The following SSU72 variants were observed in gnomAD, a reference collection of about 807,000 sequenced individuals.
The protein encoded by SSU72 is RNA polymerase II subunit A C-terminal domain phosphatase SSU72.
A neutral mutation model predicts 22.7 loss-of-function variants in SSU72; 12 were observed. The ratio of observed to expected loss-of-function variants is 0.53; its 90% CI spans 0.34 to 0.86. The LOEUF (loss-of-function observed/expected upper bound fraction) is 0.86, where lower values mean the gene tolerates loss of function less well. Ranked by LOEUF, SSU72 falls within the 40% of genes least tolerant of loss-of-function variation. The pLI is 0.02. For synonymous variants in SSU72, 116 were observed against 98.3 expected (o/e 1.18, Z -1.06); for missense variants, 151 against 249.8 (o/e 0.60, Z 2.67).
At chr1:1,566,989 A>T (rs1433966254) in intron 1 of SSU72, among the ~76,000 whole-genome samples, 2 of 152,204 alleles carry the variant, frequency 1.3e-5, no homozygotes, top group African/African-American at 4.8e-5. Flanking sequence ...AGTGAAAACT[A>T]CCTGTGCCTT....
Position 1,558,204 on chromosome 1 carries a change from TA to T in SSU72, c.224+6568del, listed in dbSNP as rs3073299. ...CAACAGAGTGAGACTCTGTCTCAAT[TA>T]AAAAAAAAAAAAAAAGCTGGGCATG... On this transcript the variant is annotated intron_variant, in intron 2 of 4. Coordinates refer to ENST00000291386, the MANE Select transcript of SSU72 (RefSeq NM_014188.3). 5.8e-3 allele frequency among the ~76,000 whole-genome samples: 737 copies of T among 126,142 alleles called. 3 individuals carry two copies. Among genetic ancestry groups the T allele is most frequent in the African/African-American group, 9.9e-3 (310 of 31,156 alleles). The allele number at this position is 126,142 out of a possible 152,430, so 82.8% of individuals were successfully genotyped here. A position where few individuals can be genotyped will look rare whatever the true frequency, so the allele number is the denominator to read the frequency against.
intron 1 of SSU72, among the ~76,000 whole-genome samples, chr1:1,567,719 A>T (rs7364711): frequency 6.6e-6 from 1 of 151,334 alleles, no homozygotes; most frequent in African/African-American, 2.4e-5. Flanking sequence ...GAGTTCGACA[A>T]CAGCCTGGCC....
At chr1:1,557,230 T>C (rs2100713538) in intron 2 of SSU72, among the ~76,000 whole-genome samples, 1 of 151,748 alleles carries the variant, frequency 6.6e-6, no homozygotes, top group East Asian at 1.9e-4. Context: ...TTGGCCAACA[T>C]AGTGAAATCC....
chr1:1,545,103 A>C, intron 2 of SSU72, 101 bp from the exon 3 acceptor site: 1 of 1,439,210 alleles, frequency 6.9e-7, no homozygotes, highest in Non-Finnish European at 9.5e-7. Context: ...GCCCCACAGC[A>C]GAGGCAGCCG....
At chr1:1,573,265 C>A (rs866882545) in intron 1 of SSU72, among the ~76,000 whole-genome samples, 83 of 131,232 alleles carry the variant, frequency 6.3e-4, no homozygotes, top group South Asian at 9.5e-4. Flanking sequence ...ACTAAAAATA[C>A]AAAAAAAAAA....
chr1:1,564,628 A>G, intron 2 of SSU72, 145 bp downstream of exon 2: 1 of 1,613,846 alleles, frequency 6.2e-7, no homozygotes, highest in Non-Finnish European at 8.5e-7. Flanking sequence ...GACGTGCACC[A>G]GGAATAGAAA....
intron 2 of SSU72, among the ~76,000 whole-genome samples, chr1:1,550,630 G>A (rs935332908): frequency 3.9e-5 from 6 of 152,164 alleles, no homozygotes; most frequent in Non-Finnish European, 5.9e-5. Context: ...GGATGGTCCC[G>A]GGCCCAGGGA....
At chr1:1,561,614 C>T (rs953043779) in intron 2 of SSU72, 3 of 152,346 alleles carry the variant, frequency 2.0e-5, no homozygotes, top group African/African-American at 4.8e-5. Flanking sequence ...CCGACCTGCA[C>T]ATCTCAACAC....
chr1:1,574,677 G>C lies in SSU72; in HGVS notation c.-120C>G. 1 of 1,063,944 alleles carries C rather than the reference G, an allele frequency of 9.4e-7. No individual in the cohort carries two copies. The highest frequency in any genetic ancestry group is 1.3e-6 in the Non-Finnish European group (1 of 770,748). The allele number at this position is 1,063,944 out of a possible 1,614,324, so 65.9% of individuals were successfully genotyped here. On this transcript the variant is annotated 5_prime_UTR_variant, in exon 1 of 5. Coordinates refer to ENST00000291386, the MANE Select transcript of SSU72 (RefSeq NM_014188.3). ...GCGGGCGACGCGAAACGACGGCGCCGGCGGTGTAGCGTGCGGCGACTGCGC... is the reference window on the plus strand; with the variant it reads ...GCGGGCGACGCGAAACGACGGCGCCCGCGGTGTAGCGTGCGGCGACTGCGC...
At chr1:1,559,925 A>T (rs1352092708) in intron 2 of SSU72, among the ~76,000 whole-genome samples, 2 of 152,026 alleles carry the variant, frequency 1.3e-5, no homozygotes, top group African/African-American at 4.8e-5. Flanking sequence ...GGGTTTCTCC[A>T]TTTTGGTCAG....
At chr1:1,558,126 C>CAAG (rs1642542709) in intron 2 of SSU72, among the ~76,000 whole-genome samples, 1 of 151,220 alleles carries the variant, frequency 6.6e-6, no homozygotes, top group Non-Finnish European at 1.5e-5. Context: ...CGCTTGAACC[C>CAAG]AGGGTCGGAG....
chr1:1,574,796 C>A lies in SSU72; in HGVS notation c.-239G>T. On this transcript the variant is annotated 5_prime_UTR_variant, in exon 1 of 5. Coordinates refer to ENST00000291386, the MANE Select transcript of SSU72 (RefSeq NM_014188.3). The stretch of plus-strand genomic sequence containing the variant: ...TGCACTCGGCGAGGCCGGGGGCGGC[C>A]AACGCCGCGCCGGCCCCCGGCGTCC... 1 of 229,110 alleles carries A rather than the reference C, an allele frequency of 4.4e-6. No individual in the cohort carries two copies. The allele number at this position is 229,110 out of a possible 1,614,324, so 14.2% of individuals were successfully genotyped here.
chr1:1,545,046 T>C, intron 2 of SSU72, 44 bp from the exon 3 acceptor site: 1 of 1,596,194 alleles, frequency 6.3e-7, no homozygotes, highest in South Asian at 1.1e-5. Flanking sequence ...GGCATCTGTG[T>C]ATGAAGCCTG....
At position 1,544,902 on chromosome 1, in the gene SSU72, G is replaced by A; in HGVS notation, c.325C>T (p.Leu109Phe). ...QNCKDLFDLI[L>F]TCEERVYDQV... is the part of the protein sequence containing the mutation. ...TCATACACTCTCTCTTCGCAAGTGA[G>A]GATCAGATCAAACAGGTCTTTGCAG... Residue 109 changes from leucine (L) to phenylalanine (F), a missense_variant, in exon 3 of 5, where the codon CTC (leucine) becomes TTC (phenylalanine). Physicochemically the swap from Leu to Phe is conservative, Grantham distance 22. Coordinates refer to ENST00000291386, the MANE Select transcript of SSU72 (RefSeq NM_014188.3). 6.2e-7 allele frequency: 1 copy of A among 1,614,238 alleles called. No homozygotes were observed.
chr1:1,549,984 A>C (rs1042981404), intron 2 of SSU72, among the ~76,000 whole-genome samples: 1 of 150,654 alleles, frequency 6.6e-6, no homozygotes, highest in African/African-American at 2.4e-5. Flanking sequence ...AAAAAAAAAA[A>C]AAAAAGATGG....
chr1:1,545,084 C>T, intron 2 of SSU72, 82 bp from the exon 3 acceptor site: 2 of 1,515,382 alleles, frequency 1.3e-6, no homozygotes, highest in Non-Finnish European at 1.8e-6. Flanking sequence ...GACACCCAGC[C>T]CCTTCCCTGC....
At chr1:1,564,418 G>T (rs1642633116) in intron 2 of SSU72, 4 of 1,436,140 alleles carry the variant, frequency 2.8e-6, no homozygotes, top group Middle Eastern at 2.6e-4. Flanking sequence ...ACACCAACCT[G>T]CAAAGGAAAT....
At chr1:1,553,218 C>T (rs1642474660) in intron 2 of SSU72, among the ~76,000 whole-genome samples, 1 of 152,142 alleles carries the variant, frequency 6.6e-6, no homozygotes, top group Non-Finnish European at 1.5e-5. Context: ...TCACCCTCAG[C>T]ACTGCTGCCA....
intron 2 of SSU72, among the ~76,000 whole-genome samples, chr1:1,547,501 G>A (rs1012021713): frequency 2.6e-5 from 4 of 152,340 alleles, no homozygotes; most frequent in Admixed American, 6.5e-5. Context: ...GTGAGGCCCC[G>A]CCCAGAGGGC....
Sources: allele counts gnomAD v4.1 joint callset (sites outside exome capture counted in the v4.1 genomes callset), GRCh38; gene constraint gnomAD v4.1.1; transcripts MANE v1.5; gene names NCBI Gene and HGNC (gene_info 2026-07-23, HGNC 2026-07-21).